The following TLN2 variants were observed in gnomAD, a reference collection of about 807,000 sequenced individuals.
TLN2 encodes talin 2, also known as talin-2.
A neutral mutation model predicts 294.7 loss-of-function variants in TLN2; 118 were observed. The observed-to-expected ratio is 0.40, with a 90% confidence interval of 0.34 to 0.47. TLN2 has a LOEUF of 0.47. Among genes scored for constraint, TLN2 ranks in the 20% least tolerant of loss-of-function variants. The probability of loss-of-function intolerance (pLI) is 0.84; values close to 1 mark genes in which losing one functional copy is unlikely to be tolerated. For synonymous variants in TLN2, 1,431 were observed against 1,304.5 expected, an observed-to-expected ratio of 1.10 and a Z score of -2.09; for missense variants, 3,083 against 3,282.2, an observed-to-expected ratio of 0.94 and a Z score of 1.48.
intron 1 of TLN2, among the ~76,000 whole-genome samples, chr15:62,411,027 A>G (rs2033747453): frequency 6.6e-6 from 1 of 152,216 alleles, no homozygotes; most frequent in African/African-American, 2.4e-5. Context: ...CTTTGGAGTC[A>G]TTCATCAGTT....
At chr15:62,619,898 C>T (rs960537833) in intron 3 of TLN2, among the ~76,000 whole-genome samples, 7 of 152,170 alleles carry the variant, frequency 4.6e-5, no homozygotes, top group Non-Finnish European at 8.8e-5. Context: ...ACTAATGTAA[C>T]AACCAGCCCA....
intron 1 of TLN2, among the ~76,000 whole-genome samples, chr15:62,545,016 A>G (rs1350162794): frequency 1.3e-5 from 2 of 149,260 alleles, no homozygotes; most frequent in African/African-American, 2.5e-5. Context: ...TGCAAGCTCC[A>G]CCTCCTGGGC....
intron 1 of TLN2, among the ~76,000 whole-genome samples, chr15:62,526,078 G>A (rs2040723481): frequency 6.6e-6 from 1 of 152,114 alleles, no homozygotes; most frequent in Middle Eastern, 3.2e-3. Flanking sequence ...TTTCTTATAT[G>A]TTACATACTC....
rs56279063 is a variant in TLN2 at position 62,574,579 on chromosome 15, CAAAAAAAAAAAAAAAAAAAA to C, written c.-237-15087_-237-15068del. Among the ~76,000 whole-genome samples the C allele has an allele frequency of 2.2e-3, 102 of 46,480 alleles. 3 individuals are homozygous for C. Among genetic ancestry groups the C allele is most frequent in the South Asian group, 9.2e-3 (9 of 976 alleles). The allele number at this position is 46,480 out of a possible 152,430, so 30.5% of individuals were successfully genotyped here. ...TGGGCAACAGGATGAGACCCTGTCT[CAAAAAAAAAAAAAAAAAAAA>C]AAAAAAAAAAAAAAAAAAAAGACTA... On this transcript the variant is annotated intron_variant, in intron 1 of 58. Transcript: ENST00000636159.
chr15:62,833,695 A>G, intron 55 of TLN2, 66 bp downstream of exon 55: 1 of 1,571,272 alleles, frequency 6.4e-7, no homozygotes, highest in South Asian at 1.2e-5. Context: ...GCCCAGGAAA[A>G]GAGCTACAAG....
intron 45 of TLN2, among the ~76,000 whole-genome samples, chr15:62,789,625 G>C (rs1024207775): frequency 6.6e-5 from 10 of 152,136 alleles, no homozygotes; most frequent in Admixed American, 6.5e-4. Context: ...CTCAAGAGCG[G>C]GTCCTCCCTC....
chr15:62,604,343 C>T (rs370656797), intron 2 of TLN2, among the ~76,000 whole-genome samples: 14 of 151,622 alleles, frequency 9.2e-5, no homozygotes, highest in African/African-American at 3.4e-4. Context: ...AAGTGAAACC[C>T]CATTTCTTAA....
chr15:62,755,595 G>A lies in TLN2; in HGVS notation c.4540G>A (p.Ala1514Thr), dbSNP rs753596011. The stretch of plus-strand genomic sequence containing the variant: ...AGCCTTGTGCAATGCCTGCCGCATC[G>A]CCTCATCCAAGACGGCCAACCCAGT... ...TSALCNACRI[A>T]SSKTANPVAK... Residue 1514 changes from alanine to threonine, a missense_variant, in exon 37 of 59, where the codon GCC becomes ACC. Ala to Thr is a moderately conservative substitution (Grantham distance 58). Coordinates refer to ENST00000636159, the MANE Select transcript of TLN2 (RefSeq NM_015059.3). The A allele has an allele frequency of 1.2e-5, 19 of 1,614,098 alleles. No homozygotes were observed. Among genetic ancestry groups the A allele is most frequent in the Admixed American group, 8.3e-5 (5 of 60,008 alleles).
At chr15:62,728,332 G>A (rs80033931) in intron 28 of TLN2, among the ~76,000 whole-genome samples, 1,690 of 152,172 alleles carry the variant, frequency 0.011, 10 homozygotes, top group Non-Finnish European at 0.019. Context: ...TTATCTCTAT[G>A]GTATTATATT....
At chr15:62,529,893 T>A (rs1009074286) in intron 1 of TLN2, among the ~76,000 whole-genome samples, 1 of 152,234 alleles carries the variant, frequency 6.6e-6, no homozygotes, top group African/African-American at 2.4e-5. Context: ...TGGTCTCTGA[T>A]ATTTTGTTAT....
At chr15:62,460,763 A>G (rs1231732884) in intron 1 of TLN2, among the ~76,000 whole-genome samples, 1 of 152,162 alleles carries the variant, frequency 6.6e-6, no homozygotes, top group Non-Finnish European at 1.5e-5. Context: ...AGAGAAATGA[A>G]CACAAATCAT....
chr15:62,708,536 A>G lies in TLN2; in HGVS notation c.2207A>G (p.Gln736Arg). Reference protein sequence around the residue: ...VSPTISSPVCQEQLIEAGKLV... With the variant: ...VSPTISSPVCREQLIEAGKLV... ...CCCACTATTAGCTCCCCTGTGTGCC[A>G]GGAGCAGCTGATTGAAGCAGGGAAG... Residue 736 changes from glutamine (Q) to arginine (R), a missense_variant, in exon 21 of 59, where the codon CAG becomes CGG. Transcript: ENST00000636159. The G allele has an allele frequency of 1.2e-6, 2 of 1,614,086 alleles. No homozygotes were observed. Among genetic ancestry groups the G allele is most frequent in the Non-Finnish European group, 1.7e-6 (2 of 1,179,944 alleles).
chr15:62,531,661 T>A (rs1241967789), intron 1 of TLN2, among the ~76,000 whole-genome samples: 5 of 152,240 alleles, frequency 3.3e-5, no homozygotes, highest in African/African-American at 1.2e-4. Flanking sequence ...ATAAATATAG[T>A]TGTAATTTGT....
intron 51 of TLN2, among the ~76,000 whole-genome samples, chr15:62,809,220 A>G (rs1204473542): frequency 2.0e-5 from 3 of 152,110 alleles, no homozygotes; most frequent in African/African-American, 4.8e-5. Flanking sequence ...TTATCTGGTG[A>G]CTCTGTGAAT....
chr15:62,751,765 A>G (rs62004628), intron 34 of TLN2, among the ~76,000 whole-genome samples: 149 of 152,364 alleles, frequency 9.8e-4, no homozygotes, highest in Admixed American at 2.9e-3. Flanking sequence ...TCTGAACACT[A>G]AAATCTCTTT....
chr15:62,475,983 C>G (rs1342992099), intron 1 of TLN2, among the ~76,000 whole-genome samples: 1 of 152,206 alleles, frequency 6.6e-6, no homozygotes, highest in African/African-American at 2.4e-5. Flanking sequence ...TAGGGCAAGG[C>G]CTATCTTCTG....
intron 1 of TLN2, among the ~76,000 whole-genome samples, chr15:62,427,679 C>T (rs1484488221): frequency 6.6e-6 from 1 of 152,144 alleles, no homozygotes; most frequent in African/African-American, 2.4e-5. Flanking sequence ...GGATCTGAGT[C>T]CCTGGTAACC....
chr15:62,691,740 G>A (rs1424592905), intron 12 of TLN2, among the ~76,000 whole-genome samples: 1 of 151,910 alleles, frequency 6.6e-6, no homozygotes, highest in African/African-American at 2.4e-5. Context: ...GGAGTGTAGT[G>A]GTGTGATCAT....
At chr15:62,668,583 C>T (rs1342624147) in intron 9 of TLN2, among the ~76,000 whole-genome samples, 1 of 152,116 alleles carries the variant, frequency 6.6e-6, no homozygotes, top group African/African-American at 2.4e-5. Flanking sequence ...ATGTTGTTTG[C>T]CTACAGGGTA....
Sources: gnomAD v4.1 joint callset for allele counts (sites outside exome capture counted in the v4.1 genomes callset) on GRCh38, gnomAD v4.1.1 for gene constraint, MANE v1.5 for transcripts, NCBI Gene and HGNC (gene_info 2026-07-23, HGNC 2026-07-21) for gene names.